The following HSPA4 variants were observed in gnomAD, a reference collection of about 807,000 sequenced individuals.
HSPA4 encodes heat shock 70 kDa protein 4.
In HSPA4, 25 loss-of-function variants were observed where a neutral mutation model predicts 106.2. That is an observed-to-expected ratio of 0.24 (90% confidence interval 0.17 to 0.33). HSPA4 has a LOEUF of 0.33. Among genes scored for constraint, HSPA4 ranks in the 10% least tolerant of loss-of-function variants. The probability of loss-of-function intolerance (pLI) is 1.00; values close to 1 mark genes in which losing one functional copy is unlikely to be tolerated. For synonymous variants in HSPA4, 332 were observed against 333.6 expected (o/e 1.00, Z 0.05); for missense variants, 841 against 996.0 (o/e 0.84, Z 2.10).
At chr5:133,067,387 C>G (rs778764943) in intron 2 of HSPA4, 30 bp from the exon 3 acceptor site, 1 of 1,577,522 alleles carries the variant, frequency 6.3e-7, no homozygotes, top group Non-Finnish European at 8.6e-7. Context: ...TAGTAGTAGT[C>G]TTTCCACTCT....
chr5:133,097,257 G>T lies in HSPA4; in HGVS notation c.1900G>T (p.Gly634Cys). ...YVYEMRDKLS[G>C]EYEKFVSEDD... is the part of the protein sequence containing the mutation. ...GTATGAAATGAGAGACAAGCTTAGT[G>T]GTGAATATGAGAAGTTTGTGAGTGA... The change falls in exon 15 of 19, where the codon GGT (glycine) becomes TGT (cysteine). Residue 634 changes from glycine (G) to cysteine (C), a missense_variant. Coordinates refer to ENST00000304858, the MANE Select transcript of HSPA4 (RefSeq NM_002154.4). 6.2e-7 allele frequency: 1 copy of T among 1,613,034 alleles called. No individual in the cohort carries two copies. The highest frequency in any genetic ancestry group is 8.5e-7 in the Non-Finnish European group (1 of 1,179,218).
At chr5:133,081,412 C>T (rs139847473) in intron 7 of HSPA4, among the ~76,000 whole-genome samples, 10 of 152,196 alleles carry the variant, frequency 6.6e-5, no homozygotes, top group Non-Finnish European at 8.8e-5. Context: ...TTTGTGTTTA[C>T]TGTGTTGTTC....
At chr5:133,096,329 T>A in intron 14 of HSPA4, 79 bp downstream of exon 14, 1 of 1,315,528 alleles carries the variant, frequency 7.6e-7, no homozygotes, top group Non-Finnish European at 1.1e-6. Flanking sequence ...GTCTAGTGAC[T>A]TTTTGCATTT....
At chr5:133,060,509 C>T (rs934983728) in intron 1 of HSPA4, among the ~76,000 whole-genome samples, 17 of 152,066 alleles carry the variant, frequency 1.1e-4, no homozygotes, top group Admixed American at 7.2e-4. Context: ...ATTACAGGCG[C>T]GTGCCACCAT....
At chr5:133,103,169 G>A (rs1276471639) in intron 17 of HSPA4, among the ~76,000 whole-genome samples, 1 of 151,112 alleles carries the variant, frequency 6.6e-6, no homozygotes, top group African/African-American at 2.4e-5. Context: ...TCAAGTGACT[G>A]TCCTGTCTCA....
chr5:133,105,357 G>C lies in HSPA4; in HGVS notation c.*921G>C, dbSNP rs547815663. On this transcript the variant is annotated 3_prime_UTR_variant, in exon 19 of 19. Transcript: ENST00000304858. ...CTTTTTAGCTCATTCACAATCACTT[G>C]TGTGTTAAGTGTTAATATCTGTCAT... 1 of 152,268 alleles carries C rather than the reference G, an allele frequency of 6.6e-6. No individual in the cohort carries two copies. The highest frequency in any genetic ancestry group is 1.9e-4 in the East Asian group (1 of 5,176). 9.4% of individuals were successfully genotyped at this position (152,268 alleles called of 1,614,324 possible). A position where few individuals can be genotyped will look rare whatever the true frequency, so the allele number is the denominator to read the frequency against.
At chr5:133,054,664 A>T (rs1333609204) in intron 1 of HSPA4, among the ~76,000 whole-genome samples, 3 of 152,106 alleles carry the variant, frequency 2.0e-5, no homozygotes, top group African/African-American at 7.2e-5. Flanking sequence ...TATTTTCCCT[A>T]TTTGTACTTT....
At chr5:133,085,312 T>C (rs1765563905) in intron 7 of HSPA4, among the ~76,000 whole-genome samples, 1 of 151,344 alleles carries the variant, frequency 6.6e-6, no homozygotes. Context: ...ATTTGAAAAA[T>C]CTGCATACTG....
At position 133,067,286 on chromosome 5, in the gene HSPA4, G is replaced by A. The variant is rs1765319259; in HGVS notation, c.166-131G>A. 5.6e-6 allele frequency: 4 copies of A among 708,120 alleles called. No homozygotes were observed. The East Asian group carries it at 1.1e-4, about 19-fold the overall frequency. 43.9% of individuals were successfully genotyped at this position (708,120 alleles called of 1,614,324 possible). ...AGTGGGCACCATTTAGAAAAGTTTA[G>A]GGTCTGAAGAAACCAAAACCAAGAA... On this transcript the variant is annotated intron_variant, in intron 2 of 18. Coordinates refer to ENST00000304858, the MANE Select transcript of HSPA4 (RefSeq NM_002154.4).
At chr5:133,088,668 A>G in intron 9 of HSPA4, 113 bp downstream of exon 9, 1 of 830,136 alleles carries the variant, frequency 1.2e-6, no homozygotes, top group Non-Finnish European at 2.0e-6. Flanking sequence ...GGGTGTTGAG[A>G]TTCCAAAACC....
At chr5:133,073,667 C>A (rs945120910) in intron 5 of HSPA4, among the ~76,000 whole-genome samples, 2 of 152,124 alleles carry the variant, frequency 1.3e-5, no homozygotes, top group African/African-American at 2.4e-5. Context: ...AGCAGCATCT[C>A]ATGGACAGAA....
chr5:133,061,316 G>T (rs1765239428), intron 1 of HSPA4, among the ~76,000 whole-genome samples: 1 of 151,500 alleles, frequency 6.6e-6, no homozygotes, highest in Admixed American at 6.6e-5. Flanking sequence ...TAGAGATGGG[G>T]TTTCACTGTG....
chr5:133,052,666 A>G (rs1379745749), intron 1 of HSPA4: 2 of 331,632 alleles, frequency 6.0e-6, no homozygotes. Context: ...CCTAGGATGT[A>G]AACGGATCGC....
At chr5:133,080,788 C>T (rs1294247264) in intron 7 of HSPA4, among the ~76,000 whole-genome samples, 3 of 151,758 alleles carry the variant, frequency 2.0e-5, no homozygotes, top group Non-Finnish European at 4.4e-5. Flanking sequence ...TATTCTTATA[C>T]TTCTAATTCT....
chr5:133,077,054 T>C (rs756442483), intron 7 of HSPA4, among the ~76,000 whole-genome samples, 156 bp downstream of exon 7: 3 of 152,252 alleles, frequency 2.0e-5, no homozygotes, highest in Non-Finnish European at 2.9e-5. Flanking sequence ...CTGCTTTTTA[T>C]GTAAAGTTGG....
At chr5:133,063,471 C>T (rs531225036) in intron 1 of HSPA4, among the ~76,000 whole-genome samples, 1 of 152,146 alleles carries the variant, frequency 6.6e-6, no homozygotes, top group East Asian at 1.9e-4. Context: ...GCTGTTGTTG[C>T]CCAGGCTGGA....
chr5:133,097,399 T>A, intron 15 of HSPA4, 113 bp downstream of exon 15: 12 of 876,516 alleles, frequency 1.4e-5, no homozygotes, highest in Non-Finnish European at 1.8e-5. Context: ...AAAAATGGAG[T>A]TTTTCTGGGG....
chr5:133,062,494 A>C (rs1765256586), intron 1 of HSPA4, among the ~76,000 whole-genome samples: 1 of 152,152 alleles, frequency 6.6e-6, no homozygotes, highest in African/African-American at 2.4e-5. Flanking sequence ...GAAGTGGGTA[A>C]GATTGCCTTG....
chr5:133,055,758 G>A (rs1175143015), intron 1 of HSPA4, among the ~76,000 whole-genome samples: 1 of 152,126 alleles, frequency 6.6e-6, no homozygotes, highest in Non-Finnish European at 1.5e-5. Flanking sequence ...TACAGTGAGA[G>A]TATAGAATAA....
Sources: gnomAD v4.1 joint callset for allele counts (sites outside exome capture counted in the v4.1 genomes callset) on GRCh38, gnomAD v4.1.1 for gene constraint, MANE v1.5 for transcripts, NCBI Gene and HGNC (gene_info 2026-07-23, HGNC 2026-07-21) for gene names.